The following MYO9A variants were observed in gnomAD, a reference collection of about 807,000 sequenced individuals.
MYO9A encodes the protein unconventional myosin-IXa.
MYO9A carries 103 observed loss-of-function variants against 293.3 expected under a neutral mutation model. The ratio of observed to expected loss-of-function variants is 0.35; its 90% CI spans 0.30 to 0.41. The LOEUF is 0.41. Among genes scored for constraint, MYO9A ranks in the 10% least tolerant of loss-of-function variants. MYO9A has a pLI of 1.00. For synonymous variants in MYO9A, 1,001 were observed against 1,035.7 expected, an observed-to-expected ratio of 0.97 and a Z score of 0.64; for missense variants, 2,685 against 3,033.0, an observed-to-expected ratio of 0.89 and a Z score of 2.69.
chr15:71,949,908 G>C (rs1303184350), intron 15 of MYO9A, among the ~76,000 whole-genome samples: 1 of 152,030 alleles, frequency 6.6e-6, no homozygotes, highest in East Asian at 1.9e-4. Flanking sequence ...TGTATAAAAA[G>C]CTACAAATTC....
intron 33 of MYO9A, 47 bp downstream of exon 33, chr15:71,862,453 G>A (rs2056176048): frequency 7.1e-7 from 1 of 1,414,548 alleles, no homozygotes; most frequent in Admixed American, 1.7e-5. Context: ...CAAGGAAACA[G>A]AAATGTCAGT....
chr15:72,003,664 A>G (rs1273174284), intron 8 of MYO9A, among the ~76,000 whole-genome samples: 1 of 150,422 alleles, frequency 6.6e-6, no homozygotes, highest in Non-Finnish European at 1.5e-5. Context: ...AGATTGCGCC[A>G]CTGCACTCCA....
intron 39 of MYO9A, among the ~76,000 whole-genome samples, chr15:71,839,448 G>A (rs755008258): frequency 1.3e-4 from 20 of 151,560 alleles, no homozygotes; most frequent in Non-Finnish European, 2.6e-4. Flanking sequence ...TCTTACTCTT[G>A]CTCAGCCTAG....
At chr15:71,929,412 A>G (rs888484399) in intron 18 of MYO9A, among the ~76,000 whole-genome samples, 6 of 152,146 alleles carry the variant, frequency 3.9e-5, no homozygotes, top group Non-Finnish European at 8.8e-5. Flanking sequence ...CAATGAGTAT[A>G]ATGTCAGCTG....
At chr15:72,060,983 G>A (rs1220466740) in intron 1 of MYO9A, among the ~76,000 whole-genome samples, 1 of 152,138 alleles carries the variant, frequency 6.6e-6, no homozygotes, top group East Asian at 1.9e-4. Flanking sequence ...TTGGATATCA[G>A]CTCAGCCACA....
chr15:72,111,416 G>C (rs1445223703), intron 1 of MYO9A, among the ~76,000 whole-genome samples: 1 of 151,066 alleles, frequency 6.6e-6, no homozygotes, highest in East Asian at 2.0e-4. Flanking sequence ...TTGAACCCAG[G>C]AGGCAGAGGT....
chr15:71,888,635 A>G (rs1191409738), intron 26 of MYO9A: 2 of 152,242 alleles, frequency 1.3e-5, no homozygotes, highest in East Asian at 1.9e-4. Flanking sequence ...TCTAAATTAT[A>G]AACAACTTAT....
chr15:72,111,955 C>T (rs543121979), intron 1 of MYO9A, among the ~76,000 whole-genome samples: 6 of 152,212 alleles, frequency 3.9e-5, no homozygotes, highest in African/African-American at 7.2e-5. Flanking sequence ...AGCTCTCAAA[C>T]GTTAACTGAC....
intron 34 of MYO9A, among the ~76,000 whole-genome samples, chr15:71,859,160 T>G (rs1228561544): frequency 1.3e-5 from 2 of 152,244 alleles, no homozygotes; most frequent in African/African-American, 4.8e-5. Context: ...CAGATTTGCA[T>G]GCTATTGTAA....
rs574353926 is a variant in MYO9A, at chr15:71,882,476, A to G, written c.5398+1118T>C. On this transcript the variant is annotated intron_variant, in intron 28 of 41. Coordinates refer to ENST00000356056, the MANE Select transcript of MYO9A (RefSeq NM_006901.4). ...TATGCTGCACGCCCAGAAAGTTAAA[A>G]TAAGAGCTATGGGACTGGGCATGGT... Among the ~76,000 whole-genome samples the G allele has an allele frequency of 2.0e-5, 3 of 152,316 alleles. No homozygotes were observed. The East Asian group carries it at 5.8e-4, about 29-fold the overall frequency.
intron 19 of MYO9A, among the ~76,000 whole-genome samples, chr15:71,909,117 C>T (rs1053725153): frequency 3.9e-5 from 6 of 152,054 alleles, no homozygotes; most frequent in Non-Finnish European, 7.4e-5. Context: ...GAATAATATT[C>T]CATTGTCTGA....
intron 1 of MYO9A, among the ~76,000 whole-genome samples, chr15:72,101,380 G>A (rs1291477777): frequency 1.4e-5 from 2 of 145,926 alleles, no homozygotes; most frequent in African/African-American, 2.5e-5. Flanking sequence ...CCATCTGGGA[G>A]GTGAGGGGCG....
At chr15:72,027,819 T>C (rs748502759) in intron 3 of MYO9A, 26 bp from the exon 4 acceptor site, 2 of 1,520,878 alleles carry the variant, frequency 1.3e-6, no homozygotes, top group South Asian at 1.2e-5. Context: ...AATTGGTTGA[T>C]ATAAATAATA....
At chr15:71,846,554 AT>A (rs1310185531) in intron 39 of MYO9A, among the ~76,000 whole-genome samples, 1 of 152,210 alleles carries the variant, frequency 6.6e-6, no homozygotes, top group Admixed American at 6.5e-5. Context: ...ATTTTTGAAA[AT>A]TATAGAATTG....
chr15:71,888,172 G>A (rs2057076343), intron 26 of MYO9A, 56 bp from the exon 27 acceptor site: 18 of 907,346 alleles, frequency 2.0e-5, no homozygotes, highest in Non-Finnish European at 2.7e-5. Context: ...TGATAGCACT[G>A]TAATTTAAAT....
intron 1 of MYO9A, among the ~76,000 whole-genome samples, chr15:72,096,287 G>C (rs2080062253): frequency 6.6e-6 from 1 of 152,076 alleles, no homozygotes; most frequent in African/African-American, 2.4e-5. Context: ...GTAGTTAGTT[G>C]AGATCACACC....
chr15:71,872,120 T>C (rs989484989), intron 32 of MYO9A, among the ~76,000 whole-genome samples: 1 of 152,060 alleles, frequency 6.6e-6, no homozygotes, highest in African/African-American at 2.4e-5. Context: ...AGACCAAGAA[T>C]GCCATTAATC....
intron 14 of MYO9A, among the ~76,000 whole-genome samples, chr15:71,953,084 TAACTA>T (rs2059091161): frequency 6.6e-6 from 1 of 152,202 alleles, no homozygotes; most frequent in Non-Finnish European, 1.5e-5. Flanking sequence ...ATAATAAAAG[TAACTA>T]AACTAATAAA....
rs79942537 is a variant in MYO9A, at chr15:71,850,779, A to G, written c.6581+474T>C. 8.0e-3 allele frequency among the ~76,000 whole-genome samples: 822 copies of G among 103,122 alleles called. 5 individuals are homozygous for G. Among genetic ancestry groups the G allele is most frequent in the East Asian group, 0.025 (62 of 2,526 alleles). The allele number at this position is 103,122 out of a possible 152,430, so 67.7% of individuals were successfully genotyped here. On this transcript the variant is annotated intron_variant, in intron 37 of 41. Coordinates refer to ENST00000356056, the MANE Select transcript of MYO9A (RefSeq NM_006901.4). Reference sequence around the variant, plus strand: ...AAACTGTGTCTCAAAAAAAAAAAAAAAAAAAAAAAAAAAAAAAAAAAAGAA... The same window carrying G: ...AAACTGTGTCTCAAAAAAAAAAAAAGAAAAAAAAAAAAAAAAAAAAAAGAA...
Sources: gnomAD v4.1 joint callset for allele counts (sites outside exome capture counted in the v4.1 genomes callset) on GRCh38, gnomAD v4.1.1 for gene constraint, MANE v1.5 for transcripts, NCBI Gene and HGNC (gene_info 2026-07-23, HGNC 2026-07-21) for gene names.